The following XYLT1 variants were observed in gnomAD, a reference collection of about 807,000 sequenced individuals.
XYLT1 encodes xylosyltransferase 1, also known as beta-D-xylosyltransferase 1.
XYLT1 carries 36 observed loss-of-function variants against 91.3 expected under a neutral mutation model. The observed-to-expected ratio is 0.39, with a 90% CI of 0.30 to 0.52. The LOEUF (loss-of-function observed/expected upper bound fraction) is 0.52. XYLT1 is among the 20% of genes least tolerant of loss of function. XYLT1 has a pLI of 0.68. For missense variants in XYLT1, 1,242 were observed against 1,284.5 expected (o/e 0.97, Z 0.51); for synonymous variants, 588 against 532.0 (o/e 1.11, Z -1.45).
At chr16:17,397,794 ATTT>A (rs1489780781) in intron 1 of XYLT1, among the ~76,000 whole-genome samples, 1 of 144,002 alleles carries the variant, frequency 6.9e-6, no homozygotes, top group Non-Finnish European at 1.5e-5. Context: ...CATTGCTACG[ATTT>A]TACTAGGGCA....
At chr16:17,268,618 A>G (rs1165047558) in intron 2 of XYLT1, among the ~76,000 whole-genome samples, 2 of 151,946 alleles carry the variant, frequency 1.3e-5, no homozygotes, top group Non-Finnish European at 2.9e-5. Flanking sequence ...ACTTCCATAC[A>G]CAATACACAC....
chr16:17,436,576 C>T lies in XYLT1; in HGVS notation c.363+33858G>A, dbSNP rs1443140785. Among the ~76,000 whole-genome samples, 32 of 152,250 alleles carry T rather than the reference C, an allele frequency of 2.1e-4. 1 individual carries two copies. Among genetic ancestry groups the T allele is most frequent in the African/African-American group, 1.2e-4 (5 of 41,538 alleles). Reference sequence around the variant, plus strand: ...GCAATCACATTCAGCTTTTAAGCTACGGGTTGGGAACGAGGTCATTCTATA... The same window carrying T: ...GCAATCACATTCAGCTTTTAAGCTATGGGTTGGGAACGAGGTCATTCTATA... On this transcript the variant is annotated intron_variant, in intron 1 of 11. Transcript: ENST00000261381.
chr16:17,264,963 C>T (rs556440752), intron 2 of XYLT1, among the ~76,000 whole-genome samples: 5 of 152,124 alleles, frequency 3.3e-5, no homozygotes, highest in Admixed American at 3.3e-4. Context: ...CTGAGGCGGT[C>T]GGATCATGAA....
At chr16:17,442,300 CCTGA>C (rs1170634633) in intron 1 of XYLT1, among the ~76,000 whole-genome samples, 2 of 152,000 alleles carry the variant, frequency 1.3e-5, no homozygotes, top group Admixed American at 1.3e-4. Context: ...TCTGGAGAAC[CCTGA>C]CTAAAAAAGC....
chr16:17,165,889 C>T lies in XYLT1; in HGVS notation c.1290-6980G>A, dbSNP rs148340936. ...AATTGTTCACTCTAGGATTATTTTT[C>T]AGTCTTTAATTTCAGAAAGCAAACT... is the stretch of plus-strand genomic sequence containing the variant. On this transcript the variant is annotated intron_variant, in intron 5 of 11. Transcript: ENST00000261381. 4.0e-3 allele frequency among the ~76,000 whole-genome samples: 608 copies of T among 152,334 alleles called. 6 individuals carry two copies. Among genetic ancestry groups the T allele is most frequent in the African/African-American group, 0.014 (587 of 41,572 alleles).
At chr16:17,182,282 GA>G (rs1468319037) in intron 5 of XYLT1, among the ~76,000 whole-genome samples, 4 of 152,292 alleles carry the variant, frequency 2.6e-5, no homozygotes, top group East Asian at 3.9e-4. Flanking sequence ...CTGGAGACTG[GA>G]AAGTCCAAAG....
chr16:17,234,967 G>A (rs11863867), intron 3 of XYLT1, among the ~76,000 whole-genome samples: 8,157 of 152,080 alleles, frequency 0.054, 295 homozygotes, highest in African/African-American at 0.092. Context: ...AGGTAATGGA[G>A]GATCATTTGA....
At chr16:17,205,567 T>G (rs1167739158) in intron 3 of XYLT1, among the ~76,000 whole-genome samples, 1 of 152,218 alleles carries the variant, frequency 6.6e-6, no homozygotes, top group Non-Finnish European at 1.5e-5. Context: ...GCACAGTGCC[T>G]GGCATCTAGC....
At chr16:17,298,807 T>A (rs1477321119) in intron 2 of XYLT1, among the ~76,000 whole-genome samples, 9 of 152,152 alleles carry the variant, frequency 5.9e-5, no homozygotes, top group Non-Finnish European at 1.3e-4. Flanking sequence ...AATATCCGTC[T>A]GGATATCCTC....
chr16:17,360,411 A>G (rs1052144872), intron 1 of XYLT1, among the ~76,000 whole-genome samples: 1 of 152,224 alleles, frequency 6.6e-6, no homozygotes, highest in Admixed American at 6.5e-5. Flanking sequence ...TCAGCTCTCT[A>G]TTTGATGTTC....
At chr16:17,343,490 A>C (rs1487695107) in intron 2 of XYLT1, among the ~76,000 whole-genome samples, 4 of 152,156 alleles carry the variant, frequency 2.6e-5, no homozygotes, top group Admixed American at 2.6e-4. Flanking sequence ...GAATAATTTG[A>C]GACAGGATCT....
intron 3 of XYLT1, among the ~76,000 whole-genome samples, chr16:17,216,021 T>C (rs2032851729): frequency 6.6e-6 from 1 of 152,062 alleles, no homozygotes; most frequent in Non-Finnish European, 1.5e-5. Context: ...CTTCATGGGG[T>C]GGAAAGACAG....
intron 10 of XYLT1, among the ~76,000 whole-genome samples, chr16:17,118,444 C>T (rs2141485387): frequency 6.6e-6 from 1 of 152,286 alleles, no homozygotes; most frequent in South Asian, 2.1e-4. Context: ...GAATAGAGAT[C>T]ATGTTTTTAC....
At chr16:17,387,979 C>T (rs1029343133) in intron 1 of XYLT1, among the ~76,000 whole-genome samples, 5 of 152,148 alleles carry the variant, frequency 3.3e-5, no homozygotes, top group African/African-American at 4.8e-5. Context: ...GACTGATGCT[C>T]GTGACTTATA....
chr16:17,431,534 C>T (rs1231474045), intron 1 of XYLT1, among the ~76,000 whole-genome samples: 1 of 152,186 alleles, frequency 6.6e-6, no homozygotes, highest in East Asian at 1.9e-4. Context: ...TTTCTCATCA[C>T]CAAGGAACAG....
intron 2 of XYLT1, among the ~76,000 whole-genome samples, chr16:17,260,110 T>G (rs1018850855): frequency 2.0e-5 from 3 of 151,802 alleles, no homozygotes; most frequent in South Asian, 2.1e-4. Context: ...AAAGCAAACT[T>G]GCGACACTCT....
chr16:17,439,912 C>G (rs1173675962), intron 1 of XYLT1, among the ~76,000 whole-genome samples: 1 of 152,226 alleles, frequency 6.6e-6, no homozygotes, highest in Non-Finnish European at 1.5e-5. Context: ...TAGTCACTCA[C>G]TTCTAATAAA....
chr16:17,111,883 C>T (rs1966841658), intron 11 of XYLT1, among the ~76,000 whole-genome samples: 1 of 152,130 alleles, frequency 6.6e-6, no homozygotes, highest in Non-Finnish European at 1.5e-5. Flanking sequence ...TGGTCCTAAC[C>T]CATCTTTCTC....
intron 1 of XYLT1, among the ~76,000 whole-genome samples, chr16:17,367,038 G>A (rs527795337): frequency 1.3e-5 from 2 of 151,824 alleles, no homozygotes; most frequent in Admixed American, 6.6e-5. Flanking sequence ...TCTTCAGGTC[G>A]ACTACTTTGC....
Sources: gnomAD v4.1 joint callset for allele counts (sites outside exome capture counted in the v4.1 genomes callset) on GRCh38, gnomAD v4.1.1 for gene constraint, MANE v1.5 for transcripts, NCBI Gene and HGNC (gene_info 2026-07-23, HGNC 2026-07-21) for gene names.